The following SYTL3 variants were observed in gnomAD, a reference collection of about 807,000 sequenced individuals.
SYTL3 encodes the protein synaptotagmin like 3.
SYTL3 carries 88 observed loss-of-function variants against 82.1 expected under a neutral mutation model. That is an observed-to-expected ratio of 1.07 (90% CI 0.90 to 1.28). The LOEUF (loss-of-function observed/expected upper bound fraction) is 1.28, where lower values mean the gene tolerates loss of function less well. Ranked by LOEUF, SYTL3 falls within the 50% of genes most tolerant of loss-of-function variation. The pLI is 0.00. For missense variants in SYTL3, 831 were observed against 757.6 expected (o/e 1.10, Z -1.14); for synonymous variants, 311 against 289.4 (o/e 1.07, Z -0.76).
chr6:158,703,812 A>ATATTATTATTAT (rs531980948), intron 6 of SYTL3, among the ~76,000 whole-genome samples: 7,446 of 122,568 alleles, frequency 0.061, 366 homozygotes, highest in African/African-American at 0.12. Flanking sequence ...AGTGGGTTTT[A>ATATTATTATTAT]TATTATTATC....
chr6:158,736,162 C>T (rs570163615), intron 11 of SYTL3, among the ~76,000 whole-genome samples: 4 of 152,154 alleles, frequency 2.6e-5, no homozygotes, highest in South Asian at 2.1e-4. Flanking sequence ...CCATCCTGGC[C>T]AACATAGTGA....
intron 5 of SYTL3, among the ~76,000 whole-genome samples, chr6:158,681,803 G>A (rs1161470829): frequency 2.6e-5 from 4 of 152,202 alleles, no homozygotes; most frequent in African/African-American, 9.7e-5. Context: ...TGGGCTCTTG[G>A]AGAATGTTGT....
intron 7 of SYTL3, among the ~76,000 whole-genome samples, chr6:158,707,959 C>T (rs1263396515): frequency 6.6e-6 from 1 of 152,146 alleles, no homozygotes. Context: ...ACATTTTTGG[C>T]GCTTCTGCTG....
intron 4 of SYTL3, 81 bp downstream of exon 4, chr6:158,663,459 T>G: frequency 1.3e-6 from 2 of 1,559,060 alleles, no homozygotes; most frequent in Non-Finnish European, 1.7e-6. Context: ...CCAATGCTGT[T>G]TGCTTACAAA....
intron 11 of SYTL3, among the ~76,000 whole-genome samples, chr6:158,743,146 C>T (rs759425258): frequency 5.3e-5 from 8 of 152,142 alleles, no homozygotes; most frequent in Admixed American, 1.3e-4. Flanking sequence ...AGCCCTTGGA[C>T]GTGCAGCGGT....
upstream of SYTL3, among the ~76,000 whole-genome samples, chr6:158,649,534 G>T (rs572998708): frequency 6.6e-6 from 1 of 152,240 alleles, no homozygotes; most frequent in Admixed American, 6.5e-5. Flanking sequence ...AGTTAGCAGG[G>T]CAGGGACACT....
At chr6:158,660,032 T>C (rs1291714258) in intron 2 of SYTL3, among the ~76,000 whole-genome samples, 2 of 151,774 alleles carry the variant, frequency 1.3e-5, no homozygotes, top group African/African-American at 2.4e-5. Flanking sequence ...CCCAACACTT[T>C]GGGACGCCGA....
At position 158,665,393 on chromosome 6, in the gene SYTL3, A is replaced by G. The variant is rs755636889; in HGVS notation, c.111-2A>G. ...TATCTTCTTTAACTCTGAGGGCTGCAGGAAACTGAAAACACACCTGCAGCA... is the reference window on the plus strand; with the variant it reads ...TATCTTCTTTAACTCTGAGGGCTGCGGGAAACTGAAAACACACCTGCAGCA... On this transcript the variant is annotated splice_acceptor_variant, in intron 4 of 17. Coordinates refer to ENST00000611299, the MANE Select transcript of SYTL3 (RefSeq NM_001242394.2). LOFTEE classifies it high-confidence loss of function. 9 of 1,578,406 alleles carry G rather than the reference A, an allele frequency of 5.7e-6. No individual in the cohort carries two copies. In the Admixed American group the frequency reaches 1.5e-4, roughly 26 times the overall value.
At chr6:158,671,320 A>G (rs775719628) in intron 5 of SYTL3, among the ~76,000 whole-genome samples, 2 of 151,980 alleles carry the variant, frequency 1.3e-5, no homozygotes, top group South Asian at 2.1e-4. Context: ...CTTTCTGCGC[A>G]TTGTCTTTTG....
At chr6:158,711,733 C>T (rs921234514) in intron 8 of SYTL3, among the ~76,000 whole-genome samples, 1 of 152,184 alleles carries the variant, frequency 6.6e-6, no homozygotes, top group African/African-American at 2.4e-5. Context: ...ATATGCTCAA[C>T]AAGGGGTGGA....
intron 11 of SYTL3, among the ~76,000 whole-genome samples, chr6:158,732,955 A>G (rs1211693036): frequency 2.9e-5 from 1 of 34,888 alleles, no homozygotes; most frequent in African/African-American, 1.2e-4. Flanking sequence ...GTTTAAAAAG[A>G]AAAAAAAAAA....
At chr6:158,655,153 G>A (rs1048870545) in intron 2 of SYTL3, among the ~76,000 whole-genome samples, 3 of 152,160 alleles carry the variant, frequency 2.0e-5, no homozygotes, top group African/African-American at 7.2e-5. Context: ...GAATTCCTGC[G>A]TGAGATGATT....
At chr6:158,693,697 T>TTTTCTTTC (rs974618294) in intron 6 of SYTL3, among the ~76,000 whole-genome samples, 1 of 130,494 alleles carries the variant, frequency 7.7e-6, no homozygotes, top group African/African-American at 4.3e-5. Context: ...TTTCTTTTCG[T>TTTTCTTTC]TTTCTTTCTT....
rs538921213 is a variant in SYTL3, at chr6:158,662,520, G to A, written c.-519-230G>A. ...ATGTACATTAAACACAGACTTTTAC[G>A]TCCTCTGACCACTAAAGTTATGGAA... On this transcript the variant is annotated intron_variant, in intron 3 of 17. Transcript: ENST00000611299. Among the ~76,000 whole-genome samples the A allele has an allele frequency of 4.7e-4, 71 of 152,184 alleles. No individual in the cohort carries two copies. The Middle Eastern group carries it at 0.01, about 22-fold the overall frequency.
intron 6 of SYTL3, among the ~76,000 whole-genome samples, chr6:158,686,714 A>G (rs1028161878): frequency 2.0e-5 from 3 of 152,228 alleles, no homozygotes; most frequent in African/African-American, 7.2e-5. Flanking sequence ...TATTTGAATA[A>G]GAATTTACTT....
chr6:158,654,760 G>A (rs1008676613), intron 2 of SYTL3, among the ~76,000 whole-genome samples: 1 of 152,262 alleles, frequency 6.6e-6, no homozygotes, highest in African/African-American at 2.4e-5. Flanking sequence ...GTCCTGGCTG[G>A]GTATGAGCCC....
At chr6:158,652,212 G>A (rs1398819328) in intron 2 of SYTL3, among the ~76,000 whole-genome samples, 1 of 150,504 alleles carries the variant, frequency 6.6e-6, no homozygotes, top group East Asian at 2.0e-4. Flanking sequence ...ACAGGTGTGA[G>A]CCACCGAGCC....
chr6:158,738,821 C>T (rs531089177), intron 11 of SYTL3, among the ~76,000 whole-genome samples: 1 of 152,314 alleles, frequency 6.6e-6, no homozygotes, highest in South Asian at 2.1e-4. Context: ...CCGTGCCCAG[C>T]TAATTTTTGT....
chr6:158,722,762 GTTTTTTTT>G (rs34189391), intron 10 of SYTL3, among the ~76,000 whole-genome samples: 6 of 80,896 alleles, frequency 7.4e-5, no homozygotes, highest in African/African-American at 1.1e-4. Context: ...TCTCTTTTCT[GTTTTTTTT>G]TTTTTTTTTT....
Sources: allele counts gnomAD v4.1 joint callset (sites outside exome capture counted in the v4.1 genomes callset), GRCh38; gene constraint gnomAD v4.1.1; transcripts MANE v1.5; gene names NCBI Gene and HGNC (gene_info 2026-07-23, HGNC 2026-07-21).